The following ZNF680 variants were observed in gnomAD, a reference collection of about 807,000 sequenced individuals.
ZNF680 encodes the protein zinc finger protein 680.
In ZNF680, 6 loss-of-function variants were observed where a neutral mutation model predicts 12.1. The ratio of observed to expected loss-of-function variants is 0.49; its 90% confidence interval spans 0.27 to 0.98. The LOEUF (loss-of-function observed/expected upper bound fraction) is 0.98, where lower values mean the gene tolerates loss of function less well. Ranked by LOEUF, ZNF680 falls within the 50% of genes least tolerant of loss-of-function variation. ZNF680 has a pLI of 0.12. For synonymous variants in ZNF680, 170 were observed against 199.3 expected (o/e 0.85, Z 1.24); for missense variants, 561 against 616.3 (o/e 0.91, Z 0.95).
chr7:64,500,234 T>C, the ZNF680 span, among the ~76,000 whole-genome samples: 4 of 151,988 alleles, frequency 2.6e-5, no homozygotes, highest in Admixed American at 2.6e-4. Context: ...ATGACCCAAA[T>C]GAAGCTCAAA....
rs192101932 is a variant in ZNF680, at chr7:64,535,224, G to C, written c.253+8483C>G. ...ATCAAAAATACAAAAAAACTAACTG[G>C]ATGTGATGGTGCATATTTGTAACCC... On this transcript the variant is annotated intron_variant, in intron 3 of 3. Coordinates refer to ENST00000309683, the MANE Select transcript of ZNF680 (RefSeq NM_178558.5). 1.6e-4 allele frequency among the ~76,000 whole-genome samples: 24 copies of C among 152,178 alleles called. No homozygotes were observed. In the East Asian group the frequency reaches 4.4e-3, roughly 28 times the overall value.
intron 1 of ZNF680, among the ~76,000 whole-genome samples, chr7:64,549,615 A>G (rs1786963470): frequency 6.6e-6 from 1 of 152,132 alleles, no homozygotes; most frequent in Non-Finnish European, 1.5e-5. Context: ...CAAATGAGGT[A>G]CAACCAAAGG....
At chr7:64,527,135 G>A (rs1791901049) in intron 3 of ZNF680, among the ~76,000 whole-genome samples, 1 of 152,184 alleles carries the variant, frequency 6.6e-6, no homozygotes, top group African/African-American at 2.4e-5. Context: ...CTACTCAGGA[G>A]GATGGGGCAG....
At position 64,541,553 on chromosome 7, in the gene ZNF680, T is replaced by C. The variant is rs993831074; in HGVS notation, c.253+2154A>G. On this transcript the variant is annotated intron_variant, in intron 3 of 3. Coordinates refer to ENST00000309683, the MANE Select transcript of ZNF680 (RefSeq NM_178558.5). ...AACCCATCTCAAAAATAAGTGCCTT[T>C]AAGAGAGCTTTGAGATCCAGAGAGG... 5.1e-4 allele frequency among the ~76,000 whole-genome samples: 78 copies of C among 152,312 alleles called. 1 individual carries two copies. The highest frequency in any genetic ancestry group is 5.1e-3 in the Admixed American group (78 of 15,300).
intron 3 of ZNF680, chr7:64,525,228 T>C (rs1051399511): frequency 6.6e-6 from 1 of 152,166 alleles, no homozygotes; most frequent in Non-Finnish European, 1.5e-5. Flanking sequence ...GCGGCACATA[T>C]ATAAACTTAC....
At chr7:64,530,542 G>T (rs181440161) in intron 3 of ZNF680, among the ~76,000 whole-genome samples, 1 of 152,230 alleles carries the variant, frequency 6.6e-6, no homozygotes, top group Admixed American at 6.5e-5. Context: ...AAACTTTAAA[G>T]CAGCTGCAGT....
chr7:64,525,929 A>C, intron 3 of ZNF680: 1 of 985,028 alleles, frequency 1.0e-6, no homozygotes, highest in Non-Finnish European at 1.2e-6. Context: ...AAACACAGAG[A>C]TCGTTATATT....
chr7:64,503,378 CTTTTTT>C, the ZNF680 span, among the ~76,000 whole-genome samples: 3,037 of 90,120 alleles, frequency 0.034, 53 homozygotes, highest in African/African-American at 0.1. Context: ...AACTGGAAGG[CTTTTTT>C]TTTTTTTTTT....
downstream of ZNF680, among the ~76,000 whole-genome samples, chr7:64,517,879 G>A (rs1019614172): frequency 4.0e-5 from 6 of 151,754 alleles, no homozygotes; most frequent in South Asian, 4.2e-4. Flanking sequence ...GACACAATCC[G>A]GCATTCCTTT....
chr7:64,501,886 T>A, the ZNF680 span, among the ~76,000 whole-genome samples: 1 of 152,028 alleles, frequency 6.6e-6, no homozygotes, highest in Non-Finnish European at 1.5e-5. Flanking sequence ...TGCACCTAGG[T>A]CCCATTTCAC....
rs376585361 is a variant in ZNF680 at position 64,522,296 on chromosome 7, A to G, written c.458T>C (p.Ile153Thr). Residue 153 changes from isoleucine (I) to threonine (T), a missense_variant, in exon 4 of 4, where the codon ATA becomes ACA. Transcript: ENST00000309683. ...NQCLRTTQSK[I>T]FQCDKYVKVF... ...TTTCACGTATTTATCACATTGAAAT[A>G]TTTTGCTCTGGGTAGTTCTCAAACA... 5.6e-6 allele frequency: 9 copies of G among 1,613,058 alleles called. No homozygotes were observed. The highest frequency in any genetic ancestry group is 2.2e-5 in the South Asian group (2 of 91,028).
At chr7:64,518,893 G>A (rs553751977), downstream of ZNF680, among the ~76,000 whole-genome samples, 2 of 152,088 alleles carry the variant, frequency 1.3e-5, no homozygotes, top group East Asian at 1.9e-4. Flanking sequence ...AAAAATTCTA[G>A]AAGATAACAT....
chr7:64,540,664 CTAAA>C (rs1471247984), intron 3 of ZNF680, among the ~76,000 whole-genome samples: 23 of 152,084 alleles, frequency 1.5e-4, no homozygotes, highest in African/African-American at 5.5e-4. Context: ...TGCAAAATGT[CTAAA>C]TATATAAGTA....
chr7:64,545,749 C>T (rs898832721), intron 1 of ZNF680, among the ~76,000 whole-genome samples: 2 of 152,212 alleles, frequency 1.3e-5, no homozygotes, highest in East Asian at 3.9e-4. Flanking sequence ...TTCAGAACTT[C>T]ATGGGTGATA....
intron 1 of ZNF680, among the ~76,000 whole-genome samples, chr7:64,556,170 T>A (rs908263813): frequency 2.7e-5 from 4 of 150,044 alleles, no homozygotes; most frequent in Admixed American, 1.3e-4. Context: ...TAGAAAAGAC[T>A]GATATCATTA....
chr7:64,516,679 A>G (rs1791362653), downstream of ZNF680, among the ~76,000 whole-genome samples: 1 of 152,214 alleles, frequency 6.6e-6, no homozygotes, highest in Non-Finnish European at 1.5e-5. Flanking sequence ...TTTATTAATC[A>G]GGACGTGAAA....
At chr7:64,537,646 G>C (rs536317399) in intron 3 of ZNF680, among the ~76,000 whole-genome samples, 42 of 152,102 alleles carry the variant, frequency 2.8e-4, no homozygotes, top group Non-Finnish European at 8.8e-5. Flanking sequence ...CAGAATAGAC[G>C]GCCAGGTGCG....
intron 3 of ZNF680, chr7:64,525,920 AAC>A: frequency 1.0e-6 from 1 of 984,930 alleles, no homozygotes; most frequent in Non-Finnish European, 1.2e-6. Flanking sequence ...TATACAGGTA[AAC>A]ACAGAGATCG....
At chr7:64,525,051 A>G (rs989832030) in intron 3 of ZNF680, 1 of 152,134 alleles carries the variant, frequency 6.6e-6, no homozygotes, top group South Asian at 2.1e-4. Flanking sequence ...AGCAACCCCC[A>G]AAGTATATAA....
Sources: gnomAD v4.1 joint callset for allele counts (sites outside exome capture counted in the v4.1 genomes callset) on GRCh38, gnomAD v4.1.1 for gene constraint, MANE v1.5 for transcripts, NCBI Gene and HGNC (gene_info 2026-07-23, HGNC 2026-07-21) for gene names.